APBB2: variants seen among roughly 807,000 people sequenced by gnomAD.
APBB2 encodes Fe65-like 1.
In APBB2, 38 loss-of-function variants were observed where a neutral mutation model predicts 82.5. The observed-to-expected ratio is 0.46, with a 90% confidence interval of 0.36 to 0.60. The LOEUF is 0.60. APBB2 is among the 20% of genes least tolerant of loss of function. APBB2 has a pLI of 0.00. For missense variants in APBB2, 772 were observed against 972.3 expected, an observed-to-expected ratio of 0.79 and a Z score of 2.74; for synonymous variants, 341 against 368.2, an observed-to-expected ratio of 0.93 and a Z score of 0.85.
intron 6 of APBB2, among the ~76,000 whole-genome samples, chr4:40,966,230 T>C (rs1313028992): frequency 2.0e-5 from 3 of 152,226 alleles, no homozygotes; most frequent in Non-Finnish European, 4.4e-5. Flanking sequence ...ACATGTGTAC[T>C]ATTTTCCTCA....
chr4:40,949,766 T>C (rs1578678960), intron 6 of APBB2, among the ~76,000 whole-genome samples: 1 of 152,378 alleles, frequency 6.6e-6, no homozygotes, highest in South Asian at 2.1e-4. Flanking sequence ...CCAGCTTCAC[T>C]GCCCTTCTGA....
intron 5 of APBB2, among the ~76,000 whole-genome samples, chr4:41,015,261 T>G (rs1046528809): frequency 6.6e-6 from 1 of 152,202 alleles, no homozygotes; most frequent in Non-Finnish European, 1.5e-5. Context: ...TCTATATGTC[T>G]CTCGCTGGGA....
chr4:41,150,734 G>GTTTT (rs1560887604), intron 1 of APBB2, among the ~76,000 whole-genome samples: 1 of 151,988 alleles, frequency 6.6e-6, no homozygotes, highest in Non-Finnish European at 1.5e-5. Flanking sequence ...CCTCCTCACC[G>GTTTT]TTTTTTGTTT....
chr4:41,032,786 T>TTC (rs1353945021), intron 5 of APBB2, among the ~76,000 whole-genome samples: 2 of 114,760 alleles, frequency 1.7e-5, no homozygotes, highest in African/African-American at 3.8e-5. Flanking sequence ...TTCTTTTTTT[T>TTC]TTTTTTTTTT....
At chr4:41,149,554 C>T (rs919392555) in intron 1 of APBB2, among the ~76,000 whole-genome samples, 3 of 152,106 alleles carry the variant, frequency 2.0e-5, no homozygotes, top group Non-Finnish European at 2.9e-5. Context: ...AAAATCCATG[C>T]ACTCAACAAC....
In APBB2 at chr4:40,841,412, T is replaced by C. The variant is rs192398593; in HGVS notation, c.1530-10835A>G. 4.6e-5 allele frequency among the ~76,000 whole-genome samples: 7 copies of C among 152,302 alleles called. No individual in the cohort carries two copies. In the East Asian group the frequency reaches 1.2e-3, roughly 25 times the overall value. On this transcript the variant is annotated intron_variant, in intron 12 of 17. Transcript: ENST00000508593. ...ATTAAGTGGTAGAGCTATGGAATCA[T>C]GGAGCTTAAAGTCCCCAATCAATCA...
intron 4 of APBB2, among the ~76,000 whole-genome samples, chr4:41,037,563 T>G (rs936531800): frequency 2.0e-5 from 3 of 152,220 alleles, no homozygotes; most frequent in Non-Finnish European, 4.4e-5. Context: ...AGGGTAGTCC[T>G]AAGGACTGCA....
chr4:40,849,745 T>TG (rs1491568276), intron 12 of APBB2, among the ~76,000 whole-genome samples: 26 of 148,492 alleles, frequency 1.8e-4, no homozygotes, highest in African/African-American at 6.4e-4. Flanking sequence ...TTTTTTTTTT[T>TG]GAGACAGAGT....
At chr4:41,075,281 C>T (rs1735291896) in intron 3 of APBB2, among the ~76,000 whole-genome samples, 2 of 152,160 alleles carry the variant, frequency 1.3e-5, no homozygotes, top group African/African-American at 4.8e-5. Context: ...CTTTGATACA[C>T]ATTAATAATA....
At chr4:41,123,801 C>T (rs986536216) in intron 2 of APBB2, among the ~76,000 whole-genome samples, 10 of 151,414 alleles carry the variant, frequency 6.6e-5, no homozygotes, top group South Asian at 2.1e-4. Context: ...CCAGCCTGGG[C>T]GACAGCAAGA....
chr4:40,813,001 T>C lies in APBB2; in HGVS notation c.*3091A>G, dbSNP rs1744720890. The C allele has an allele frequency of 6.6e-6, 1 of 152,168 alleles. No individual in the cohort carries two copies. Among genetic ancestry groups the C allele is most frequent in the Admixed American group, 6.5e-5 (1 of 15,282 alleles). 9.4% of individuals were successfully genotyped at this position (152,168 alleles called of 1,614,324 possible). A position where few individuals can be genotyped will look rare whatever the true frequency, so the allele number is the denominator to read the frequency against. On this transcript the variant is annotated 3_prime_UTR_variant, in exon 18 of 18. Transcript: ENST00000508593. ...CAGTGCTTTAGTCTGCAAAGGAAAG[T>C]TTTTAGCCATAGGCATGTTGGCTAG...
intron 12 of APBB2, among the ~76,000 whole-genome samples, chr4:40,833,605 C>T (rs1752836284): frequency 6.6e-6 from 1 of 152,220 alleles, no homozygotes; most frequent in South Asian, 2.1e-4. Flanking sequence ...CTGTGTCTGT[C>T]CTCTAAGAGA....
chr4:40,993,921 C>T (rs904340656), intron 6 of APBB2, among the ~76,000 whole-genome samples: 8 of 151,984 alleles, frequency 5.3e-5, no homozygotes, highest in Non-Finnish European at 8.8e-5. Context: ...AGTTAAAATG[C>T]AGGTTCCTGA....
intron 2 of APBB2, among the ~76,000 whole-genome samples, chr4:41,104,807 C>T (rs1236112887): frequency 6.6e-6 from 1 of 152,208 alleles, no homozygotes; most frequent in Non-Finnish European, 1.5e-5. Context: ...CAGCTCCATC[C>T]ATGTTGCTGC....
chr4:40,890,560 A>G lies in APBB2; in HGVS notation c.1402-69T>C, dbSNP rs1771707865. ...GGAAAGCCTAATCGTGTGTGTGGCC[A>G]TCTAGGAATGCCGTGTCAACCATCA... On this transcript the variant is annotated intron_variant, in intron 11 of 17. Coordinates refer to ENST00000508593, the MANE Select transcript of APBB2 (RefSeq NM_004307.2). 3 of 1,575,868 alleles carry G rather than the reference A, an allele frequency of 1.9e-6. No individual in the cohort carries two copies. The South Asian group carries it at 3.5e-5, about 18-fold the overall frequency.
At chr4:41,174,427 G>T (rs1769199694) in intron 1 of APBB2, among the ~76,000 whole-genome samples, 1 of 151,992 alleles carries the variant, frequency 6.6e-6, no homozygotes, top group Non-Finnish European at 1.5e-5. Context: ...AAATTAACCG[G>T]CGCATCCTAC....
chr4:41,151,453 A>G (rs1762255821), intron 1 of APBB2, among the ~76,000 whole-genome samples: 1 of 152,220 alleles, frequency 6.6e-6, no homozygotes, highest in Non-Finnish European at 1.5e-5. Context: ...ATTTATCTAC[A>G]TGTTTACCAG....
chr4:41,141,665 T>C (rs1441884800), intron 2 of APBB2, among the ~76,000 whole-genome samples: 1 of 152,174 alleles, frequency 6.6e-6, no homozygotes, highest in East Asian at 1.9e-4. Context: ...AGAAAGAGGT[T>C]TAATGGACTT....
intron 1 of APBB2, among the ~76,000 whole-genome samples, chr4:41,159,949 G>A (rs7674125): frequency 4.7e-4 from 28 of 59,022 alleles, no homozygotes; most frequent in East Asian, 9.2e-4. Context: ...GGAGGAGAAG[G>A]AGAAGGAGAA....
Sources: allele counts gnomAD v4.1 joint callset (sites outside exome capture counted in the v4.1 genomes callset), GRCh38; gene constraint gnomAD v4.1.1; transcripts MANE v1.5; gene names NCBI Gene and HGNC (gene_info 2026-07-23, HGNC 2026-07-21).